The following ITPR3 variants were observed in gnomAD, a reference collection of about 807,000 sequenced individuals.
ITPR3 encodes inositol 1,4,5-trisphosphate-gated calcium channel ITPR3.
Under a neutral mutation model 293.2 loss-of-function variants are expected in ITPR3, and 173 were observed. The observed-to-expected ratio is 0.59, with a 90% CI of 0.52 to 0.67. The LOEUF (loss-of-function observed/expected upper bound fraction) is 0.67. Among genes scored for constraint, ITPR3 ranks in the 30% least tolerant of loss-of-function variants. The pLI is 0.00. For missense variants in ITPR3, 2,796 were observed against 3,592.1 expected (o/e 0.78, Z 5.66); for synonymous variants, 1,295 against 1,444.4 (o/e 0.90, Z 2.35).
chr6:33,693,106 T>C lies in ITPR3; in HGVS notation c.7624+213T>C, dbSNP rs574142759. On this transcript the variant is annotated intron_variant, in intron 55 of 57. Coordinates refer to ENST00000605930, the MANE Select transcript of ITPR3 (RefSeq NM_002224.4). ...GGGACAGGCCCATCCCTGTAAACCC[T>C]TGGGGTTTCTAGGTGAGGACATGAG... Among the ~76,000 whole-genome samples the C allele has an allele frequency of 1.7e-3, 257 of 152,296 alleles. 2 individuals carry two copies. Among genetic ancestry groups the C allele is most frequent in the Admixed American group, 4.0e-3 (61 of 15,296 alleles).
rs184122582 is a variant in ITPR3, at chr6:33,675,945, C to G, written c.3282+89C>G. The G allele has an allele frequency of 1.1e-5, 15 of 1,401,604 alleles. No individual in the cohort carries two copies. The East Asian group carries it at 3.4e-4, about 32-fold the overall frequency. 86.8% of individuals were successfully genotyped at this position (1,401,604 alleles called of 1,614,324 possible). A position where few individuals can be genotyped will look rare whatever the true frequency, so the allele number is the denominator to read the frequency against. On this transcript the variant is annotated intron_variant, in intron 25 of 57. Coordinates refer to ENST00000605930, the MANE Select transcript of ITPR3 (RefSeq NM_002224.4). The surrounding 1 kb of genome is among the most constrained non-coding windows in gnomAD (Gnocchi z 5.0). ...AACGATGATTGAGGAGCTCACAGCT[C>G]AAGGGGTAACTTGGGATGCCCATTT... is the stretch of plus-strand genomic sequence containing the variant.
At chr6:33,690,826 A>G in intron 51 of ITPR3, 91 bp from the exon 52 acceptor site, 1 of 1,214,916 alleles carries the variant, frequency 8.2e-7, no homozygotes, top group South Asian at 1.4e-5. Flanking sequence ...TCTGGAGCCC[A>G]GGCAGCCCTC....
Position 33,658,649 on chromosome 6 carries a change from C to G in ITPR3, c.370-21C>G, listed in dbSNP as rs756568696. The G allele has an allele frequency of 1.9e-6, 3 of 1,612,642 alleles. No individual in the cohort carries two copies. In the Admixed American group the frequency reaches 5.0e-5, roughly 27 times the overall value. ...GACTCCTGTGGCGCGGTGACCTTCC[C>G]GCACCCCACCTGACCCCCAGCTCCT... On this transcript the variant is annotated intron_variant, in intron 4 of 57. Coordinates refer to ENST00000605930, the MANE Select transcript of ITPR3 (RefSeq NM_002224.4). The surrounding 1 kb of genome is among the most constrained non-coding windows in gnomAD (Gnocchi z 6.1).
Position 33,672,726 on chromosome 6 carries a change from C to T in ITPR3, c.2928+498C>T, listed in dbSNP as rs1370144953. On this transcript the variant is annotated intron_variant, in intron 22 of 57. Transcript: ENST00000605930. This position sits in a 1 kb window ranked among gnomAD's most constrained non-coding sequence, Gnocchi z 5.0. Reference sequence around the variant, plus strand: ...AGTCTAGTTCAATTCTCCCATTTTACAGATGGGGAAAGTAAAAGCGGGGAG... The same window carrying T: ...AGTCTAGTTCAATTCTCCCATTTTATAGATGGGGAAAGTAAAAGCGGGGAG... Among the ~76,000 whole-genome samples, 1 of 152,100 alleles carries T rather than the reference C, an allele frequency of 6.6e-6. No individual in the cohort carries two copies. Among genetic ancestry groups the T allele is most frequent in the East Asian group, 1.9e-4 (1 of 5,198 alleles).
Position 33,682,254 on chromosome 6 carries a change from T to C in ITPR3, c.4477-270T>C, listed in dbSNP as rs1765096868. Among the ~76,000 whole-genome samples, 1 of 152,234 alleles carries C rather than the reference T, an allele frequency of 6.6e-6. No homozygotes were observed. The highest frequency in any genetic ancestry group is 1.5e-5 in the Non-Finnish European group (1 of 68,040). Reference sequence around the variant, plus strand: ...ATCCATCACCTTTTTATGACATTAATTTTTTTAAACATTTTTTAAAAGGGT... The same window carrying C: ...ATCCATCACCTTTTTATGACATTAACTTTTTTAAACATTTTTTAAAAGGGT... On this transcript the variant is annotated intron_variant, in intron 33 of 57. Transcript: ENST00000605930. The surrounding 1 kb of genome is among the most constrained non-coding windows in gnomAD (Gnocchi z 5.4).
intron 3 of ITPR3, among the ~76,000 whole-genome samples, chr6:33,656,383 A>C (rs973086839): frequency 4.6e-5 from 7 of 152,186 alleles, no homozygotes; most frequent in Non-Finnish European, 1.0e-4. Flanking sequence ...ACAGCTGTCC[A>C]TGGAGTTCCC....
At position 33,672,301 on chromosome 6, in the gene ITPR3, G is replaced by T. The variant is rs1371754360; in HGVS notation, c.2928+73G>T. On this transcript the variant is annotated intron_variant, in intron 22 of 57. Coordinates refer to ENST00000605930, the MANE Select transcript of ITPR3 (RefSeq NM_002224.4). The surrounding 1 kb of genome is among the most constrained non-coding windows in gnomAD (Gnocchi z 5.0). ...TAATGGGGCGGGTACAGGGAGGCTG[G>T]GCAGGGCGAACCCCTTCAGATCTCA... 7 of 1,378,594 alleles carry T rather than the reference G, an allele frequency of 5.1e-6. No individual in the cohort carries two copies. Among genetic ancestry groups the T allele is most frequent in the Non-Finnish European group, 6.1e-6 (6 of 981,822 alleles). 85.4% of individuals were successfully genotyped at this position (1,378,594 alleles called of 1,614,324 possible).
intron 51 of ITPR3, 132 bp from the exon 52 acceptor site, chr6:33,690,785 C>G: frequency 1.3e-6 from 1 of 769,498 alleles, no homozygotes; most frequent in Non-Finnish European, 2.1e-6. Context: ...CGACTAAGTG[C>G]AGACCTCCCT....
rs1328013993 is a variant in ITPR3 at position 33,693,624 on chromosome 6, C to T, written c.7704C>T (p.Tyr2568=). The T allele has an allele frequency of 6.2e-7, 1 of 1,614,108 alleles. No homozygotes were observed. The highest frequency in any genetic ancestry group is 8.5e-7 in the Non-Finnish European group (1 of 1,180,032). ...HIKLEHNMWN[Y]LYFIVLVRVK... ...AGCTGGAGCACAACATGTGGAACTA[C>T]TTGTACTTCATTGTGCTGGTCCGCG... Residue 2568 remains tyrosine (Y), a synonymous_variant, in exon 56 of 58, where the codon TAC becomes TAT. Coordinates refer to ENST00000605930, the MANE Select transcript of ITPR3 (RefSeq NM_002224.4).
At chr6:33,663,711 TC>T (rs758013387) in intron 10 of ITPR3, 26 bp from the exon 11 acceptor site, 66 of 1,612,422 alleles carry the variant, frequency 4.1e-5, no homozygotes, top group Non-Finnish European at 5.5e-5. Context: ...GGGAGGGCCT[TC>T]TACCTGATTT....
In ITPR3 at chr6:33,655,824, G is replaced by C; in HGVS notation, c.219G>C (p.Lys73Asn). 2 of 1,614,114 alleles carry C rather than the reference G, an allele frequency of 1.2e-6. No individual in the cohort carries two copies. Among genetic ancestry groups the C allele is most frequent in the Non-Finnish European group, 1.7e-6 (2 of 1,180,016 alleles). Reference sequence around the variant, plus strand: ...ACTCGGCCCAGAAGCAGTACTGGAAGGCCAAGCAGACTAAGCAGGACAAGG... The same window carrying C: ...ACTCGGCCCAGAAGCAGTACTGGAACGCCAAGCAGACTAAGCAGGACAAGG... Reference protein sequence around the residue: ...NRYSAQKQYWKAKQTKQDKEK... With the variant: ...NRYSAQKQYWNAKQTKQDKEK... The change falls in exon 3 of 58, where the codon AAG becomes AAC. Residue 73 changes from lysine (K) to asparagine (N), a missense_variant. Around this residue, in one of 8 missense-constraint regions of ITPR3, gnomAD observed 53 missense variants for 45.7 expected, o/e 1.16. Coordinates refer to ENST00000605930, the MANE Select transcript of ITPR3 (RefSeq NM_002224.4). The surrounding 1 kb of genome is among the most constrained non-coding windows in gnomAD (Gnocchi z 4.9).
At chr6:33,637,422 C>T (rs1187523543) in intron 1 of ITPR3, among the ~76,000 whole-genome samples, 1 of 152,214 alleles carries the variant, frequency 6.6e-6, no homozygotes, top group Non-Finnish European at 1.5e-5. Context: ...CCTCCCAGTA[C>T]CCACATGTGT....
rs1168674882 is a variant in ITPR3 at position 33,682,329 on chromosome 6, T to C, written c.4477-195T>C. On this transcript the variant is annotated intron_variant, in intron 33 of 57. Coordinates refer to ENST00000605930, the MANE Select transcript of ITPR3 (RefSeq NM_002224.4). The surrounding 1 kb of genome is among the most constrained non-coding windows in gnomAD (Gnocchi z 5.4). ...GCCTTGGTGAGTTACAGGGCTGCCG[T>C]GTACAGTTGGGCAGGTCGTGCACTG... Among the ~76,000 whole-genome samples, 4 of 152,248 alleles carry C rather than the reference T, an allele frequency of 2.6e-5. No homozygotes were observed. Among genetic ancestry groups the C allele is most frequent in the Non-Finnish European group, 5.9e-5 (4 of 68,042 alleles).
At chr6:33,657,782 C>CAGGGGTCCA in intron 3 of ITPR3, 150 bp from the exon 4 acceptor site, 1 of 627,364 alleles carries the variant, frequency 1.6e-6, no homozygotes, top group Non-Finnish European at 2.9e-6. Flanking sequence ...AGAGCTGGGG[C>CAGGGGTCCA]AGGGGTCCAA....
chr6:33,646,967 A>T (rs1172490790), intron 2 of ITPR3, among the ~76,000 whole-genome samples: 1 of 152,324 alleles, frequency 6.6e-6, no homozygotes, highest in East Asian at 1.9e-4. Flanking sequence ...TATTGTGGAC[A>T]ACCATGAGAA....
In ITPR3 at chr6:33,684,388, T is replaced by C; in HGVS notation, c.4969T>C (p.Ser1657Pro). ...CCAGCACACCAAGGACCTCATGGAG[T>C]CGGAGGAGAAGCTGTGCATCAAGGT... ...LIQHTKDLME[S>P]EEKLCIKVLR... The change falls in exon 37 of 58, where the codon TCG (serine) becomes CCG (proline). Residue 1657 changes from serine (S) to proline (P), a missense_variant. By Grantham distance (74) the Ser-to-Pro change is moderately conservative. This residue lies in a region of ITPR3 where 704 missense variants were observed against 797.5 expected (regional missense o/e 0.88). Transcript: ENST00000605930. The surrounding 1 kb of genome is among the most constrained non-coding windows in gnomAD (Gnocchi z 4.2). 1 of 1,613,582 alleles carries C rather than the reference T, an allele frequency of 6.2e-7. No homozygotes were observed. Among genetic ancestry groups the C allele is most frequent in the Non-Finnish European group, 8.5e-7 (1 of 1,179,894 alleles).
intron 2 of ITPR3, among the ~76,000 whole-genome samples, chr6:33,644,213 G>A (rs1311190192): frequency 6.6e-6 from 1 of 152,094 alleles, no homozygotes; most frequent in Non-Finnish European, 1.5e-5. Context: ...AAAGAGAAAA[G>A]TGACACACAC....
In ITPR3 at chr6:33,664,874, T is replaced by A; in HGVS notation, c.1153T>A (p.Ser385Thr). The change falls in exon 12 of 58, where the codon TCG (serine) becomes ACG (threonine). Residue 385 changes from serine (S) to threonine (T), a missense_variant. This residue lies in a region of ITPR3 where 955 missense variants were observed against 1,180.8 expected (regional missense o/e 0.81). Coordinates refer to ENST00000605930, the MANE Select transcript of ITPR3 (RefSeq NM_002224.4). The surrounding 1 kb of genome is among the most constrained non-coding windows in gnomAD (Gnocchi z 4.4). ...TTCCCTCCCACCCACCTGCAGGAAC[T>A]CGTACGTCCGGCTGCGGCACCTCTG... is the stretch of plus-strand genomic sequence containing the variant. Reference protein sequence around the residue: ...QKTDSFVPRNSYVRLRHLCTN... With the variant: ...QKTDSFVPRNTYVRLRHLCTN... The A allele has an allele frequency of 3.7e-6, 6 of 1,613,506 alleles. No individual in the cohort carries two copies. The highest frequency in any genetic ancestry group is 4.2e-6 in the Non-Finnish European group (5 of 1,179,948).
chr6:33,664,906 C>T lies in ITPR3; in HGVS notation c.1185C>T (p.Asn395=). ...SYVRLRHLCT[N]TWIQSTNVPI... The stretch of plus-strand genomic sequence containing the variant: ...TCCGGCTGCGGCACCTCTGCACCAA[C>T]ACGTGGATTCAGAGCACCAATGTGC... The change falls in exon 12 of 58, where the codon AAC becomes AAT. Residue 395 remains asparagine (N), a synonymous_variant. Coordinates refer to ENST00000605930, the MANE Select transcript of ITPR3 (RefSeq NM_002224.4). This position sits in a 1 kb window ranked among gnomAD's most constrained non-coding sequence, Gnocchi z 4.4. 6.2e-7 allele frequency: 1 copy of T among 1,613,962 alleles called. No individual in the cohort carries two copies. The highest frequency in any genetic ancestry group is 8.5e-7 in the Non-Finnish European group (1 of 1,180,022).
Sources: allele counts gnomAD v4.1 joint callset (sites outside exome capture counted in the v4.1 genomes callset), GRCh38; gene constraint gnomAD v4.1.1; regional missense constraint gnomAD v4.1.1; non-coding constraint Gnocchi (gnomAD v3.1); transcripts MANE v1.5; gene names NCBI Gene and HGNC (gene_info 2026-07-23, HGNC 2026-07-21).